Variants in TOX observed in about 807,000 individuals in gnomAD.
TOX encodes the protein thymocyte selection associated high mobility group box, also known as thymocyte selection-associated high mobility group box protein TOX.
TOX carries 11 observed loss-of-function variants against 53.7 expected under a neutral mutation model. The ratio of observed to expected loss-of-function variants is 0.20; its 90% CI spans 0.13 to 0.34. The LOEUF (loss-of-function observed/expected upper bound fraction) is 0.34, where lower values mean the gene tolerates loss of function less well. Ranked by LOEUF, TOX falls within the 10% of genes least tolerant of loss-of-function variation. The pLI, the probability that TOX is intolerant of heterozygous loss-of-function variation, is 1.00. For synonymous variants in TOX, 225 were observed against 245.3 expected (o/e 0.92, Z 0.77); for missense variants, 570 against 664.6 (o/e 0.86, Z 1.56).
At chr8:58,922,677 G>A (rs1812093131) in intron 3 of TOX, among the ~76,000 whole-genome samples, 1 of 152,172 alleles carries the variant, frequency 6.6e-6, no homozygotes, top group Non-Finnish European at 1.5e-5. Flanking sequence ...CACCTCTCAC[G>A]GTGCTTCTAG....
intron 1 of TOX, among the ~76,000 whole-genome samples, chr8:59,111,480 G>C (rs1437852824): frequency 6.6e-6 from 1 of 151,962 alleles, no homozygotes; most frequent in East Asian, 1.9e-4. Flanking sequence ...CTGCCATTTA[G>C]GATAAATCTT....
At chr8:58,876,420 C>G (rs1012443872) in intron 3 of TOX, among the ~76,000 whole-genome samples, 2 of 151,954 alleles carry the variant, frequency 1.3e-5, no homozygotes, top group African/African-American at 4.8e-5. Flanking sequence ...CACTATTTTA[C>G]GCATTCATTA....
In TOX at chr8:58,943,615, T is replaced by TA. The variant is rs752767981; in HGVS notation, c.169-4072dup. The stretch of plus-strand genomic sequence containing the variant: ...CAAGAGGACTACTTTTTTTTTTTTC[T>TA]AAAAAAAAAAAAAAACAAACAAATT... On this transcript the variant is annotated intron_variant, in intron 2 of 8. Coordinates refer to ENST00000361421, the MANE Select transcript of TOX (RefSeq NM_014729.3). Among the ~76,000 whole-genome samples, 750 of 130,836 alleles carry TA rather than the reference T, an allele frequency of 5.7e-3. 4 individuals carry two copies. The highest frequency in any genetic ancestry group is 0.016 in the African/African-American group (567 of 35,162). 85.8% of individuals were successfully genotyped at this position (130,836 alleles called of 152,430 possible). A position where few individuals can be genotyped will look rare whatever the true frequency, so the allele number is the denominator to read the frequency against.
chr8:59,067,121 G>A (rs1011716260), intron 1 of TOX, among the ~76,000 whole-genome samples: 3 of 152,166 alleles, frequency 2.0e-5, no homozygotes, highest in Admixed American at 2.0e-4. Context: ...TCCAGAAGGG[G>A]GGCCGGGGGG....
intron 1 of TOX, among the ~76,000 whole-genome samples, chr8:58,986,572 G>C (rs11778333): frequency 0.083 from 12,643 of 152,180 alleles, 661 homozygotes; most frequent in Middle Eastern, 0.17. Flanking sequence ...GTTAAACCCA[G>C]ACATTGAAAT....
chr8:59,052,303 C>A (rs1803805968), intron 1 of TOX, among the ~76,000 whole-genome samples: 1 of 152,088 alleles, frequency 6.6e-6, no homozygotes, highest in African/African-American at 2.4e-5. Flanking sequence ...TTACTAAAGT[C>A]ATTTTTCAAT....
intron 3 of TOX, among the ~76,000 whole-genome samples, chr8:58,860,555 C>G (rs965376744): frequency 2.0e-5 from 3 of 152,204 alleles, no homozygotes; most frequent in African/African-American, 7.2e-5. Context: ...TTGCTGCTCA[C>G]GCTGATGGTT....
intron 1 of TOX, among the ~76,000 whole-genome samples, chr8:58,994,285 C>G (rs764542279): frequency 6.6e-6 from 1 of 151,934 alleles, no homozygotes; most frequent in Non-Finnish European, 1.5e-5. Context: ...TGAATCCATT[C>G]AAACTTGCAT....
rs531086283 is a variant in TOX, at chr8:58,877,732, A to G, written c.412-25927T>C. On this transcript the variant is annotated intron_variant, in intron 3 of 8. Transcript: ENST00000361421. ...GGCAGAAAGAAAATACAAGTCTGTC[A>G]TCCAAAGCAAATATGCAGTCGTGCA... 2.0e-5 allele frequency among the ~76,000 whole-genome samples: 3 copies of G among 152,338 alleles called. No homozygotes were observed. In the South Asian group the frequency reaches 6.2e-4, roughly 32 times the overall value.
At chr8:59,091,045 G>C (rs771267776) in intron 1 of TOX, among the ~76,000 whole-genome samples, 1 of 151,924 alleles carries the variant, frequency 6.6e-6, no homozygotes, top group Non-Finnish European at 1.5e-5. Flanking sequence ...TAAATATACC[G>C]AAGCCTCTCC....
chr8:58,848,218 A>G (rs1585858256), intron 4 of TOX, among the ~76,000 whole-genome samples: 1 of 152,178 alleles, frequency 6.6e-6, no homozygotes, highest in African/African-American at 2.4e-5. Context: ...TATTCCAGGG[A>G]CAGCTACTGA....
At chr8:58,893,985 T>C (rs977921451) in intron 3 of TOX, among the ~76,000 whole-genome samples, 4 of 152,182 alleles carry the variant, frequency 2.6e-5, no homozygotes, top group African/African-American at 9.7e-5. Context: ...AAGTTAAAAA[T>C]AAAGATCACT....
At chr8:58,924,884 T>C (rs1355398903) in intron 3 of TOX, among the ~76,000 whole-genome samples, 2 of 152,248 alleles carry the variant, frequency 1.3e-5, no homozygotes, top group Non-Finnish European at 2.9e-5. Flanking sequence ...TGGCCTGTGT[T>C]TTTTGGAATA....
chr8:58,991,539 G>A (rs958441348), intron 1 of TOX, among the ~76,000 whole-genome samples: 2 of 152,182 alleles, frequency 1.3e-5, no homozygotes, highest in Non-Finnish European at 2.9e-5. Context: ...ATAAAAGCTA[G>A]TTAAAAAGCC....
At chr8:58,911,846 G>A (rs546418822) in intron 3 of TOX, among the ~76,000 whole-genome samples, 4 of 152,266 alleles carry the variant, frequency 2.6e-5, no homozygotes, top group African/African-American at 9.6e-5. Context: ...GGGATTACAG[G>A]TGCATGCTAC....
chr8:58,945,527 A>C (rs1812510966), intron 2 of TOX, among the ~76,000 whole-genome samples: 1 of 152,132 alleles, frequency 6.6e-6, no homozygotes, highest in South Asian at 2.1e-4. Context: ...ATTCTGGGAG[A>C]TCTCATTTCC....
intron 6 of TOX, among the ~76,000 whole-genome samples, chr8:58,819,281 G>T (rs1406635898): frequency 2.0e-5 from 3 of 152,144 alleles, no homozygotes; most frequent in Non-Finnish European, 4.4e-5. Flanking sequence ...TAAGTAATTT[G>T]CATTTGTTTC....
chr8:58,981,451 G>A (rs1813204567), intron 1 of TOX, among the ~76,000 whole-genome samples: 1 of 152,040 alleles, frequency 6.6e-6, no homozygotes, highest in Non-Finnish European at 1.5e-5. Context: ...CTGGCCTGGG[G>A]AAGTCCCACT....
chr8:59,003,273 G>A (rs1813727465), intron 1 of TOX, among the ~76,000 whole-genome samples: 1 of 152,112 alleles, frequency 6.6e-6, no homozygotes, highest in African/African-American at 2.4e-5. Flanking sequence ...TTTCTATTTA[G>A]TTACTTATGT....
Sources: allele counts gnomAD v4.1 joint callset (sites outside exome capture counted in the v4.1 genomes callset), GRCh38; gene constraint gnomAD v4.1.1; transcripts MANE v1.5; gene names NCBI Gene and HGNC (gene_info 2026-07-23, HGNC 2026-07-21).